Variants in DIS3L2 observed in about 807,000 individuals in gnomAD.
The protein encoded by DIS3L2 is DIS3-like exonuclease 2.
Under a neutral mutation model 97.5 loss-of-function variants are expected in DIS3L2, and 34 were observed. The ratio of observed to expected loss-of-function variants is 0.35; its 90% CI spans 0.27 to 0.46. DIS3L2 has a LOEUF of 0.46. Ranked by LOEUF, DIS3L2 falls within the 20% of genes least tolerant of loss-of-function variation. DIS3L2 has a pLI of 1.00. For missense variants in DIS3L2, 1,038 were observed against 1,146.0 expected (o/e 0.91, Z 1.36); for synonymous variants, 435 against 445.2 (o/e 0.98, Z 0.29).
At chr2:232,029,893 C>A in intron 4 of DIS3L2, 86 bp from the exon 5 acceptor site, 5 of 956,022 alleles carry the variant, frequency 5.2e-6, no homozygotes, top group Non-Finnish European at 7.9e-6. Flanking sequence ...TTGCTGTTTT[C>A]TATTTCAGTT....
At chr2:232,005,332 G>A (rs991562507) in intron 1 of DIS3L2, among the ~76,000 whole-genome samples, 16 of 152,060 alleles carry the variant, frequency 1.1e-4, no homozygotes, top group African/African-American at 3.6e-4. Flanking sequence ...CGTTGAGTCT[G>A]TCCTACATGT....
chr2:232,023,032 A>G (rs945824600), intron 3 of DIS3L2: 3 of 152,248 alleles, frequency 2.0e-5, no homozygotes, highest in African/African-American at 7.2e-5. Context: ...GTCCTCTACT[A>G]TACTTCTCAT....
intron 12 of DIS3L2, among the ~76,000 whole-genome samples, chr2:232,254,658 G>C (rs1402044496): frequency 6.6e-6 from 1 of 152,152 alleles, no homozygotes; most frequent in East Asian, 1.9e-4. Context: ...ATAAAAAGCT[G>C]CCCAATCTAA....
intron 8 of DIS3L2, among the ~76,000 whole-genome samples, chr2:232,145,101 C>T (rs1690182844): frequency 6.6e-6 from 1 of 152,154 alleles, no homozygotes; most frequent in South Asian, 2.1e-4. Flanking sequence ...CTTAATTTCA[C>T]CCATTCATTT....
rs561892290 is a variant in DIS3L2, at chr2:232,207,095, C to T, written c.1125-3231C>T. On this transcript the variant is annotated intron_variant, in intron 9 of 20. Coordinates refer to ENST00000325385, the MANE Select transcript of DIS3L2 (RefSeq NM_152383.5). ...CTAATGGAGTTCTTTTTGATTTTGA[C>T]TAGGGGAACATTTTTTTGGCTTTTT... Among the ~76,000 whole-genome samples the T allele has an allele frequency of 3.9e-5, 6 of 152,210 alleles. No individual in the cohort carries two copies. The East Asian group carries it at 1.2e-3, about 29-fold the overall frequency.
intron 9 of DIS3L2, among the ~76,000 whole-genome samples, chr2:232,173,298 G>A (rs1691045476): frequency 6.6e-6 from 1 of 152,070 alleles, no homozygotes; most frequent in African/African-American, 2.4e-5. Context: ...GCAGTAGTGC[G>A]AGCTCAGCTG....
intron 5 of DIS3L2, among the ~76,000 whole-genome samples, chr2:232,086,804 C>G (rs933714365): frequency 6.7e-6 from 1 of 149,974 alleles, no homozygotes; most frequent in East Asian, 2.0e-4. Flanking sequence ...CTCAGCCTCC[C>G]AAGTAGCTGG....
downstream of DIS3L2, chr2:232,339,792 C>T (rs1468726114): frequency 8.9e-6 from 4 of 450,070 alleles, no homozygotes; most frequent in Non-Finnish European, 1.8e-5. Context: ...GGATGTGCAG[C>T]TGTGACCTGC....
chr2:232,335,894 C>G lies in DIS3L2; in HGVS notation c.2496+20C>G. 3 of 1,549,974 alleles carry G rather than the reference C, an allele frequency of 1.9e-6. No homozygotes were observed. Among genetic ancestry groups the G allele is most frequent in the Non-Finnish European group, 2.6e-6 (3 of 1,146,946 alleles). ...CAGCAGGTCAGAACCCCTCTGTGTC[C>G]CAGCCCCCTAAGTCCTGATGACCCC... is the stretch of plus-strand genomic sequence containing the variant. On this transcript the variant is annotated intron_variant, in intron 20 of 20. Transcript: ENST00000325385.
Position 232,336,592 on chromosome 2 carries a change from G to T in DIS3L2, c.2620G>T (p.Glu874Ter), listed in dbSNP as rs377688902. ...GHLGPEKEEE[E>*]SDGEPEDSST... is the part of the protein sequence containing the mutation. ...CCTGGGCCCTGAGAAGGAGGAGGAG[G>T]AGTCTGACGGTGAGCCCGAGGACTC... Residue 874 changes from glutamate (E) to a stop codon, truncating the protein, a stop_gained, in exon 21 of 21, where the codon GAG becomes TAG. Transcript: ENST00000325385. LOFTEE classifies it low-confidence loss of function (END_TRUNC). 4.1e-5 allele frequency: 66 copies of T among 1,608,154 alleles called. No individual in the cohort carries two copies. The highest frequency in any genetic ancestry group is 5.1e-5 in the Non-Finnish European group (60 of 1,179,862).
At chr2:232,212,795 G>T (rs887553549) in intron 10 of DIS3L2, among the ~76,000 whole-genome samples, 10 of 152,146 alleles carry the variant, frequency 6.6e-5, no homozygotes, top group East Asian at 1.9e-4. Flanking sequence ...AAATCAATAG[G>T]GGGGGTTGGA....
chr2:231,964,375 G>A (rs1167542376), intron 1 of DIS3L2, among the ~76,000 whole-genome samples: 1 of 152,122 alleles, frequency 6.6e-6, no homozygotes, highest in African/African-American at 2.4e-5. Flanking sequence ...AATCTTCCCG[G>A]GACTGACTAG....
In DIS3L2 at chr2:231,971,517, G is replaced by A. The variant is rs369227375; in HGVS notation, c.-94+9752G>A. 7.9e-5 allele frequency among the ~76,000 whole-genome samples: 12 copies of A among 151,780 alleles called. No homozygotes were observed. In the South Asian group the frequency reaches 8.3e-4, roughly 11 times the overall value. ...GGCTGGAGTGCAGTGGCGCCATCTC[G>A]GCTCACTGCAAGCTCCGCCTCCCAG... On this transcript the variant is annotated intron_variant, in intron 1 of 20. Transcript: ENST00000325385.
chr2:232,190,147 A>C (rs1233963616), intron 9 of DIS3L2, among the ~76,000 whole-genome samples: 1 of 151,958 alleles, frequency 6.6e-6, no homozygotes, highest in Non-Finnish European at 1.5e-5. Context: ...GGGCAACATG[A>C]TGAGACCCTC....
intron 6 of DIS3L2, among the ~76,000 whole-genome samples, chr2:232,089,726 G>T (rs545448801): frequency 6.6e-6 from 1 of 152,230 alleles, no homozygotes; most frequent in African/African-American, 2.4e-5. Context: ...TTTTCCTCTG[G>T]GCTCCAAGTG....
intron 6 of DIS3L2, among the ~76,000 whole-genome samples, chr2:232,114,838 C>A (rs1045168888): frequency 1.3e-5 from 2 of 152,190 alleles, no homozygotes; most frequent in South Asian, 4.2e-4. Flanking sequence ...TAACTGAATA[C>A]CTGAAACTGG....
chr2:232,338,674 C>G (rs1249625694), downstream of DIS3L2, among the ~76,000 whole-genome samples: 1 of 151,676 alleles, frequency 6.6e-6, no homozygotes, highest in Non-Finnish European at 1.5e-5. Flanking sequence ...GCCTTCTCCC[C>G]ACACCAGTCA....
intron 14 of DIS3L2, among the ~76,000 whole-genome samples, chr2:232,313,347 T>C (rs1695185056): frequency 6.6e-6 from 1 of 152,210 alleles, no homozygotes; most frequent in Non-Finnish European, 1.5e-5. Context: ...TGATATCTGA[T>C]TTTTTATTTA....
intron 10 of DIS3L2, among the ~76,000 whole-genome samples, chr2:232,224,364 A>C (rs1034763559): frequency 6.6e-5 from 10 of 152,236 alleles, no homozygotes; most frequent in Non-Finnish European, 1.3e-4. Context: ...TGTGGCTCAT[A>C]GATCTGAGTA....
Sources: allele counts gnomAD v4.1 joint callset (sites outside exome capture counted in the v4.1 genomes callset), GRCh38; gene constraint gnomAD v4.1.1; transcripts MANE v1.5; gene names NCBI Gene and HGNC (gene_info 2026-07-23, HGNC 2026-07-21).